TRMT10A: variants seen among roughly 807,000 people sequenced by gnomAD.
TRMT10A encodes the protein tRNA methyltransferase 10A.
In TRMT10A, 37 loss-of-function variants were observed where a neutral mutation model predicts 40.4. The ratio of observed to expected loss-of-function variants is 0.92; its 90% CI spans 0.71 to 1.21. The LOEUF (loss-of-function observed/expected upper bound fraction) is 1.21, where lower values mean the gene tolerates loss of function less well. TRMT10A is among the 50% of genes most tolerant of loss of function. The pLI, the probability that TRMT10A is intolerant of heterozygous loss-of-function variation, is 0.00. For synonymous variants in TRMT10A, 103 were observed against 134.1 expected (o/e 0.77, Z 1.60); for missense variants, 388 against 404.3 (o/e 0.96, Z 0.35).
intron 6 of TRMT10A, among the ~76,000 whole-genome samples, chr4:99,551,614 C>T (rs576530239): frequency 1.3e-5 from 2 of 151,968 alleles, no homozygotes; most frequent in Non-Finnish European, 2.9e-5. Context: ...TAAATGTTAC[C>T]TGTTATGTAT....
intron 4 of TRMT10A, among the ~76,000 whole-genome samples, chr4:99,556,924 A>C (rs1724182314): frequency 6.6e-6 from 1 of 152,136 alleles, no homozygotes; most frequent in South Asian, 2.1e-4. Flanking sequence ...AGTGACCCAA[A>C]AGAAAACTAA....
intron 1 of TRMT10A, among the ~76,000 whole-genome samples, chr4:99,562,514 CCT>C (rs1724462443): frequency 1.0e-4 from 11 of 108,552 alleles, no homozygotes; most frequent in Admixed American, 9.7e-4. Flanking sequence ...CAAAGGAATG[CCT>C]TTTTTTTTTT....
At position 99,557,436 on chromosome 4, in the gene TRMT10A, T is replaced by G; in HGVS notation, c.349-20A>C. 1 of 1,609,236 alleles carries G rather than the reference T, an allele frequency of 6.2e-7. No homozygotes were observed. The highest frequency in any genetic ancestry group is 8.5e-7 in the Non-Finnish European group (1 of 1,177,202). On this transcript the variant is annotated intron_variant, in intron 3 of 7. Transcript: ENST00000394876. Reference sequence around the variant, plus strand: ...AATGTCCTATCACAGAGTTCAATTTTTAAAGCAAAGTTATTAAAATTGTCT... The same window carrying G: ...AATGTCCTATCACAGAGTTCAATTTGTAAAGCAAAGTTATTAAAATTGTCT...
Position 99,547,484 on chromosome 4 carries a change from A to C in TRMT10A, c.*1604T>G, listed in dbSNP as rs1723781557. ...TATTTGGAATGATTTTCCCCCTTTC[A>C]TAATTAAACAGTGCCCTATTTTACA... On this transcript the variant is annotated 3_prime_UTR_variant, in exon 8 of 8. Transcript: ENST00000394876. 6.6e-6 allele frequency: 1 copy of C among 152,168 alleles called. No homozygotes were observed. Among genetic ancestry groups the C allele is most frequent in the Non-Finnish European group, 1.5e-5 (1 of 68,024 alleles). The allele number at this position is 152,168 out of a possible 1,614,324, so 9.4% of individuals were successfully genotyped here.
chr4:99,557,246 C>T (rs985078107), intron 4 of TRMT10A, 99 bp downstream of exon 4: 14 of 1,190,880 alleles, frequency 1.2e-5, no homozygotes, highest in Non-Finnish European at 1.6e-5. Context: ...AACAAGATTA[C>T]CTGTAAGACT....
In TRMT10A at chr4:99,555,583, C is replaced by T. The variant is rs530102507; in HGVS notation, c.495+563G>A. On this transcript the variant is annotated intron_variant, in intron 5 of 7. Transcript: ENST00000394876. The stretch of plus-strand genomic sequence containing the variant: ...CAATTTATTTTATTAATACAGTATA[C>T]CCAAAAGTTTATCATTTAAACATAT... Among the ~76,000 whole-genome samples the T allele has an allele frequency of 7.2e-5, 11 of 152,180 alleles. No individual in the cohort carries two copies. The East Asian group carries it at 1.7e-3, about 24-fold the overall frequency.
chr4:99,549,078 C>T lies in TRMT10A; in HGVS notation c.*10G>A. On this transcript the variant is annotated 3_prime_UTR_variant, in exon 8 of 8. Coordinates refer to ENST00000394876, the MANE Select transcript of TRMT10A (RefSeq NM_001134665.3). ...AATTTTTCCTTAAACTAAAAGGAAA[C>T]CAGGTAACATTAGTGTGGCAGAGAG... is the stretch of plus-strand genomic sequence containing the variant. The T allele has an allele frequency of 6.2e-7, 1 of 1,610,362 alleles. No homozygotes were observed.
rs1430386798 is a variant in TRMT10A, at chr4:99,559,297, A to G, written c.42T>C (p.Asn14=). 1 of 1,612,452 alleles carries G rather than the reference A, an allele frequency of 6.2e-7. No individual in the cohort carries two copies. Among genetic ancestry groups the G allele is most frequent in the Non-Finnish European group, 8.5e-7 (1 of 1,179,026 alleles). Residue 14 remains asparagine, a synonymous_variant, in exon 2 of 8, where the codon AAT becomes AAC. Transcript: ENST00000394876. ...CATTTATGCCTTGCTTTTTGTCAAC[A>G]TTAGAAGTTTCAATAAATGCTGGCA... The part of the protein sequence containing the change: ...EMLPAFIETS[N]VDKKQGINED...
At position 99,549,260 on chromosome 4, in the gene TRMT10A, T is replaced by G. The variant is rs1560596721; in HGVS notation, c.848A>C (p.Lys283Thr). 1.3e-5 allele frequency: 21 copies of G among 1,614,128 alleles called. No homozygotes were observed. Among genetic ancestry groups the G allele is most frequent in the Non-Finnish European group, 1.8e-5 (21 of 1,179,998 alleles). Residue 283 changes from lysine to threonine, a missense_variant, in exon 8 of 8, where the codon AAA becomes ACA. Lys to Thr is a moderately conservative substitution (Grantham distance 78). Transcript: ENST00000394876. ...GTCATGAGAAGCACTTTCACAGGCT[T>G]TGTCTGTGGGAACAGCTCCTTTCCG... Reference protein sequence around the residue: ...PQRKGAVPTDKACESASHDNQ... With the variant: ...PQRKGAVPTDTACESASHDNQ...
Position 99,549,102 on chromosome 4 carries a change from A to T in TRMT10A, c.1006T>A (p.Ser336Thr). The change falls in exon 8 of 8, where the codon TCT becomes ACT. Residue 336 changes from serine (S) to threonine (T), a missense_variant. By Grantham distance (58) the Ser-to-Thr change is moderately conservative. Coordinates refer to ENST00000394876, the MANE Select transcript of TRMT10A (RefSeq NM_001134665.3). ...KENHTESTVNSLPH is the reference protein window; with the variant it reads ...KENHTESTVNTLPH ...ACCAGGTAACATTAGTGTGGCAGAG[A>T]GTTCACTGTAGATTCAGTGTGATTT... is the stretch of plus-strand genomic sequence containing the variant. The T allele has an allele frequency of 6.2e-7, 1 of 1,613,898 alleles. No individual in the cohort carries two copies. The highest frequency in any genetic ancestry group is 8.5e-7 in the Non-Finnish European group (1 of 1,179,802).
intron 2 of TRMT10A, among the ~76,000 whole-genome samples, 170 bp downstream of exon 2, chr4:99,558,984 C>T (rs1400914057): frequency 6.6e-6 from 1 of 152,070 alleles, no homozygotes; most frequent in African/African-American, 2.4e-5. Flanking sequence ...TAACAATATA[C>T]GTTGTTAGCT....
In TRMT10A at chr4:99,548,181, T is replaced by C. The variant is rs188667332; in HGVS notation, c.*907A>G. 49 of 144,130 alleles carry C rather than the reference T, an allele frequency of 3.4e-4. No homozygotes were observed. The highest frequency in any genetic ancestry group is 6.3e-4 in the Non-Finnish European group (41 of 64,886). 8.9% of individuals were successfully genotyped at this position (144,130 alleles called of 1,614,324 possible). On this transcript the variant is annotated 3_prime_UTR_variant, in exon 8 of 8. Transcript: ENST00000394876. ...ATGTATTTACATGCATATTATCACATGTGTATTTGATTTATAGAAACAAAC... is the reference window on the plus strand; with the variant it reads ...ATGTATTTACATGCATATTATCACACGTGTATTTGATTTATAGAAACAAAC...
chr4:99,547,984 T>C lies in TRMT10A; in HGVS notation c.*1104A>G, dbSNP rs1174238797. 3 of 152,162 alleles carry C rather than the reference T, an allele frequency of 2.0e-5. No individual in the cohort carries two copies. The highest frequency in any genetic ancestry group is 7.2e-5 in the African/African-American group (3 of 41,474). 9.4% of individuals were successfully genotyped at this position (152,162 alleles called of 1,614,324 possible). A position where few individuals can be genotyped will look rare whatever the true frequency, so the allele number is the denominator to read the frequency against. ...ACTAAAACAGTTCCCTTTCACACTA[T>C]TCTTTCTTGCCAATGTTCCCATACA... On this transcript the variant is annotated 3_prime_UTR_variant, in exon 8 of 8. Transcript: ENST00000394876.
At chr4:99,549,935 A>G (rs1723896458) in intron 7 of TRMT10A, among the ~76,000 whole-genome samples, 1 of 152,198 alleles carries the variant, frequency 6.6e-6, no homozygotes, top group Non-Finnish European at 1.5e-5. Flanking sequence ...TGAATCGATA[A>G]TTTCATTTTT....
chr4:99,553,339 A>G (rs1434188546), intron 6 of TRMT10A, among the ~76,000 whole-genome samples: 1 of 152,220 alleles, frequency 6.6e-6, no homozygotes, highest in African/African-American at 2.4e-5. Context: ...AGAGAAAAGT[A>G]CAAATGAAAG....
chr4:99,562,874 T>G (rs961868752), intron 1 of TRMT10A, among the ~76,000 whole-genome samples: 5 of 149,630 alleles, frequency 3.3e-5, no homozygotes, highest in African/African-American at 1.2e-4. Context: ...CAGGCTGGAG[T>G]GCAATGGCGC....
At chr4:99,557,701 A>G in intron 3 of TRMT10A, 1 of 397,900 alleles carries the variant, frequency 2.5e-6, no homozygotes, top group Non-Finnish European at 4.5e-6. Flanking sequence ...AGACTTTTAG[A>G]GCCATACTAT....
intron 6 of TRMT10A, among the ~76,000 whole-genome samples, chr4:99,552,154 G>C (rs1323647061): frequency 6.6e-6 from 1 of 152,036 alleles, no homozygotes; most frequent in African/African-American, 2.4e-5. Context: ...AATAAATTTA[G>C]TATAGCATAA....
At position 99,563,932 on chromosome 4, in the gene TRMT10A, G is replaced by A. The variant is rs1724578381; in HGVS notation, c.-43C>T. On this transcript the variant is annotated 5_prime_UTR_variant, in exon 1 of 8. Coordinates refer to ENST00000394876, the MANE Select transcript of TRMT10A (RefSeq NM_001134665.3). ...ACTTACCGAGCTGAAGAGTTGACAG[G>A]GAAGTGAAATCTCAGAAAGAAAGCC... The A allele has an allele frequency of 4.8e-6, 4 of 833,206 alleles. No homozygotes were observed. Among genetic ancestry groups the A allele is most frequent in the African/African-American group, 1.7e-5 (1 of 59,434 alleles). 51.6% of individuals were successfully genotyped at this position (833,206 alleles called of 1,614,324 possible). A position where few individuals can be genotyped will look rare whatever the true frequency, so the allele number is the denominator to read the frequency against.
Sources: allele counts gnomAD v4.1 joint callset (sites outside exome capture counted in the v4.1 genomes callset), GRCh38; gene constraint gnomAD v4.1.1; transcripts MANE v1.5; gene names NCBI Gene and HGNC (gene_info 2026-07-23, HGNC 2026-07-21).